The following SYT16 variants were observed in gnomAD, a reference collection of about 807,000 sequenced individuals.
The protein encoded by SYT16 is synaptotagmin 16.
A neutral mutation model predicts 61.4 loss-of-function variants in SYT16; 42 were observed. The ratio of observed to expected loss-of-function variants is 0.68; its 90% CI spans 0.53 to 0.89. The LOEUF (loss-of-function observed/expected upper bound fraction) is 0.89. Ranked by LOEUF, SYT16 falls within the 40% of genes least tolerant of loss-of-function variation. SYT16 has a pLI of 0.00. For missense variants in SYT16, 804 were observed against 807.3 expected (o/e 1.00, Z 0.05); for synonymous variants, 314 against 302.3 (o/e 1.04, Z -0.40).
Position 62,075,124 on chromosome 14 carries a change from T to C in SYT16, c.737-11T>C. ...AATGCATTTGAAATGGTTTTCTTAT[T>C]GCAAATTTAGATTTGGATGGAGCCA... On this transcript the variant is annotated splice_polypyrimidine_tract_variant and intron_variant, in intron 4 of 7. Transcript: ENST00000683842. The C allele has an allele frequency of 6.3e-7, 1 of 1,591,946 alleles. No individual in the cohort carries two copies. Among genetic ancestry groups the C allele is most frequent in the Non-Finnish European group, 8.6e-7 (1 of 1,165,360 alleles).
In SYT16 at chr14:61,996,154, A is replaced by G. The variant is rs922484017; in HGVS notation, c.135A>G (p.Gln45=). 3 of 1,613,350 alleles carry G rather than the reference A, an allele frequency of 1.9e-6. No individual in the cohort carries two copies. The highest frequency in any genetic ancestry group is 2.7e-5 in the African/African-American group (2 of 74,888). The change falls in exon 3 of 8, where the codon CAA becomes CAG. Residue 45 remains glutamine (Q), a synonymous_variant. Transcript: ENST00000683842. ...LSASLVNISK[Q]DSKLSDKLDQ... Reference sequence around the variant, plus strand: ...CTTCGCTGGTTAACATAAGCAAACAAGACTCTAAATTGAGTGACAAACTAG... The same window carrying G: ...CTTCGCTGGTTAACATAAGCAAACAGGACTCTAAATTGAGTGACAAACTAG...
Position 62,064,351 on chromosome 14 carries a change from A to G in SYT16, c.524-5252A>G, listed in dbSNP as rs566638040. Among the ~76,000 whole-genome samples, 6 of 150,672 alleles carry G rather than the reference A, an allele frequency of 4.0e-5. No individual in the cohort carries two copies. The South Asian group carries it at 8.3e-4, about 21-fold the overall frequency. ...TTAAATTTGAAAAAAAAAAAAAAAA[A>G]AAAAAAAGAAAACACTGGGGAGAGA... is the stretch of plus-strand genomic sequence containing the variant. On this transcript the variant is annotated intron_variant, in intron 3 of 7. Transcript: ENST00000683842.
At chr14:61,900,135 AG>A (rs1019455883) in intron 1 of SYT16, among the ~76,000 whole-genome samples, 3 of 150,388 alleles carry the variant, frequency 2.0e-5, no homozygotes, top group African/African-American at 7.3e-5. Flanking sequence ...ATTGCCAGGC[AG>A]TAAGCATCCT....
chr14:61,906,499 C>T (rs1399299592), intron 1 of SYT16, among the ~76,000 whole-genome samples: 1 of 152,168 alleles, frequency 6.6e-6, no homozygotes, highest in Admixed American at 6.5e-5. Context: ...AGATTCTTTT[C>T]TCGCTCTTCG....
chr14:61,903,756 C>G (rs2048604056), intron 1 of SYT16, among the ~76,000 whole-genome samples: 1 of 152,168 alleles, frequency 6.6e-6, no homozygotes, highest in Non-Finnish European at 1.5e-5. Context: ...GGTCTTTGTC[C>G]TGGCCAGGTC....
At chr14:62,034,712 G>C (rs749128213) in intron 3 of SYT16, among the ~76,000 whole-genome samples, 2 of 152,082 alleles carry the variant, frequency 1.3e-5, no homozygotes, top group African/African-American at 4.8e-5. Flanking sequence ...GGGATTCCAG[G>C]GGTGGGGGAG....
intron 1 of SYT16, among the ~76,000 whole-genome samples, chr14:61,842,629 C>T (rs1210567276): frequency 6.6e-6 from 1 of 152,076 alleles, no homozygotes; most frequent in Non-Finnish European, 1.5e-5. Flanking sequence ...TTTGTAGGGA[C>T]ATGGATGAAG....
chr14:62,054,201 A>G (rs2055435812), intron 3 of SYT16, among the ~76,000 whole-genome samples: 1 of 152,142 alleles, frequency 6.6e-6, no homozygotes, highest in African/African-American at 2.4e-5. Context: ...TTCTTTTTGC[A>G]AATGGAGAAG....
intron 2 of SYT16, among the ~76,000 whole-genome samples, chr14:61,992,578 T>C (rs950552719): frequency 6.6e-6 from 1 of 152,148 alleles, no homozygotes; most frequent in African/African-American, 2.4e-5. Context: ...GTTTACACTT[T>C]GCAGGAAGCC....
At chr14:61,978,665 A>G (rs1471980683) in intron 2 of SYT16, among the ~76,000 whole-genome samples, 1 of 152,162 alleles carries the variant, frequency 6.6e-6, no homozygotes, top group Non-Finnish European at 1.5e-5. Context: ...TTCCCCTTTT[A>G]AGTCAGGGAG....
At chr14:61,845,539 A>G (rs746423609) in intron 1 of SYT16, among the ~76,000 whole-genome samples, 6 of 152,094 alleles carry the variant, frequency 3.9e-5, no homozygotes, top group Non-Finnish European at 8.8e-5. Flanking sequence ...ATCAGTTGTA[A>G]TGTCTTCTTT....
intron 1 of SYT16, among the ~76,000 whole-genome samples, chr14:61,937,090 G>C (rs1197490336): frequency 6.6e-6 from 1 of 152,234 alleles, no homozygotes; most frequent in Non-Finnish European, 1.5e-5. Flanking sequence ...AGTGGAAGCT[G>C]GGCTGGCTGG....
At chr14:61,866,437 A>T (rs78647709) in intron 1 of SYT16, among the ~76,000 whole-genome samples, 1 of 152,032 alleles carries the variant, frequency 6.6e-6, no homozygotes, top group Non-Finnish European at 1.5e-5. Context: ...ACTTGATATC[A>T]TCAATTTATT....
chr14:61,832,182 T>C (rs1473846660), intron 1 of SYT16: 23 of 662,056 alleles, frequency 3.5e-5, no homozygotes, highest in Non-Finnish European at 6.1e-5. Flanking sequence ...CTCCTTCTTC[T>C]TCACGGCTTT....
chr14:62,019,119 G>A (rs2053818947), intron 3 of SYT16, among the ~76,000 whole-genome samples: 1 of 152,212 alleles, frequency 6.6e-6, no homozygotes, highest in Non-Finnish European at 1.5e-5. Context: ...GTAAGGAAAA[G>A]TGAAGTTTTT....
At chr14:61,862,353 G>A (rs894769969) in intron 1 of SYT16, among the ~76,000 whole-genome samples, 3 of 152,172 alleles carry the variant, frequency 2.0e-5, no homozygotes, top group African/African-American at 7.2e-5. Context: ...ATTTTATATA[G>A]ATGGGATCAT....
intron 1 of SYT16, among the ~76,000 whole-genome samples, chr14:61,868,847 C>G (rs1287061630): frequency 6.6e-6 from 1 of 151,938 alleles, no homozygotes; most frequent in Non-Finnish European, 1.5e-5. Context: ...GAATTTCTGT[C>G]TACTTTTTCT....
At chr14:61,991,530 T>C (rs2052549871) in intron 2 of SYT16, among the ~76,000 whole-genome samples, 1 of 152,198 alleles carries the variant, frequency 6.6e-6, no homozygotes, top group Admixed American at 6.6e-5. Context: ...CTGCCAGTGC[T>C]GGGCCTCTTT....
At chr14:61,904,429 G>T (rs1222382300) in intron 1 of SYT16, among the ~76,000 whole-genome samples, 2 of 152,130 alleles carry the variant, frequency 1.3e-5, no homozygotes, top group Non-Finnish European at 2.9e-5. Context: ...CCCATACCTT[G>T]GAGGCCTGCT....
Sources: gnomAD v4.1 joint callset for allele counts (sites outside exome capture counted in the v4.1 genomes callset) on GRCh38, gnomAD v4.1.1 for gene constraint, MANE v1.5 for transcripts, NCBI Gene and HGNC (gene_info 2026-07-23, HGNC 2026-07-21) for gene names.